Variants in ADAM12 observed in about 807,000 individuals in gnomAD.
ADAM12 encodes the protein disintegrin and metalloproteinase domain-containing protein 12.
In ADAM12, 70 loss-of-function variants were observed where a neutral mutation model predicts 106.4. The observed-to-expected ratio is 0.66, with a 90% CI of 0.54 to 0.80. The LOEUF is 0.80. Ranked by LOEUF, ADAM12 falls within the 30% of genes least tolerant of loss-of-function variation. The pLI is 0.00. For missense variants in ADAM12, 1,010 were observed against 1,171.9 expected, an observed-to-expected ratio of 0.86 and a Z score of 2.02; for synonymous variants, 420 against 433.5, an observed-to-expected ratio of 0.97 and a Z score of 0.39.
intron 3 of ADAM12, among the ~76,000 whole-genome samples, chr10:126,208,852 GTT>G (rs5788775): frequency 3.4e-5 from 5 of 145,782 alleles, no homozygotes; most frequent in African/African-American, 1.3e-4. Context: ...AAAAAAGAAA[GTT>G]TTTTTTTTTT....
intron 2 of ADAM12, among the ~76,000 whole-genome samples, chr10:126,327,568 G>T (rs1368009858): frequency 6.6e-6 from 1 of 151,914 alleles, no homozygotes; most frequent in African/African-American, 2.4e-5. Flanking sequence ...ACCAGCTTAG[G>T]TGACAAAGGA....
chr10:126,135,178 T>C (rs555033152), intron 5 of ADAM12, among the ~76,000 whole-genome samples: 1 of 152,372 alleles, frequency 6.6e-6, no homozygotes, highest in East Asian at 1.9e-4. Context: ...TGTTTCCTAA[T>C]GAGAGGAGGC....
chr10:126,225,478 C>T (rs1452137975), intron 3 of ADAM12, among the ~76,000 whole-genome samples: 1 of 152,202 alleles, frequency 6.6e-6, no homozygotes, highest in Non-Finnish European at 1.5e-5. Flanking sequence ...GCCAGAGCTT[C>T]CGTCATCCAT....
intron 11 of ADAM12, 145 bp downstream of exon 11, chr10:126,093,840 C>G (rs1871054): frequency 1.5e-6 from 2 of 1,296,696 alleles, no homozygotes; most frequent in Admixed American, 2.0e-5. Flanking sequence ...CACAGGCCAC[C>G]CTTGCTTCTT....
intron 3 of ADAM12, among the ~76,000 whole-genome samples, chr10:126,259,582 C>A (rs1020987409): frequency 6.6e-6 from 1 of 152,174 alleles, no homozygotes; most frequent in African/African-American, 2.4e-5. Context: ...AAATGCAATT[C>A]TAATATTTGA....
At chr10:126,254,475 C>T (rs1464012207) in intron 3 of ADAM12, among the ~76,000 whole-genome samples, 1 of 152,216 alleles carries the variant, frequency 6.6e-6, no homozygotes, top group East Asian at 1.9e-4. Flanking sequence ...ACAACACTTC[C>T]TTCTCAGGAT....
At chr10:126,099,873 A>G (rs1005486501) in intron 9 of ADAM12, among the ~76,000 whole-genome samples, 8 of 152,272 alleles carry the variant, frequency 5.3e-5, no homozygotes, top group Admixed American at 3.9e-4. Flanking sequence ...TTTCTGTGCT[A>G]TAAGCCACAT....
At chr10:126,233,765 G>T (rs1424824498) in intron 3 of ADAM12, among the ~76,000 whole-genome samples, 1 of 152,180 alleles carries the variant, frequency 6.6e-6, no homozygotes, top group Non-Finnish European at 1.5e-5. Context: ...ATTTTAAGGT[G>T]AGTCCCACCT....
In ADAM12 at chr10:126,214,955, G is replaced by A. The variant is rs186335963; in HGVS notation, c.261-59650C>T. ...CACCTTGGTGACTCTCATCCACCTG[G>A]GAGAGTCAGCCCCTCGCTGGGCCAT... On this transcript the variant is annotated intron_variant, in intron 3 of 22. Transcript: ENST00000448723. Among the ~76,000 whole-genome samples the A allele has an allele frequency of 3.0e-4, 45 of 152,236 alleles. 1 individual carries two copies. Among genetic ancestry groups the A allele is most frequent in the Admixed American group, 2.9e-3 (45 of 15,294 alleles).
Position 126,012,833 on chromosome 10 carries a change from A to C in ADAM12, c.*4446T>G, listed in dbSNP as rs1458525463. 6.6e-6 allele frequency: 1 copy of C among 152,252 alleles called. No individual in the cohort carries two copies. The highest frequency in any genetic ancestry group is 1.5e-5 in the Non-Finnish European group (1 of 68,044). The allele number at this position is 152,252 out of a possible 1,614,324, so 9.4% of individuals were successfully genotyped here. ...ATCTGCCCTACTAAGGTACCTGCTT[A>C]TAGGCCATGAAAATAAAACGCCATT... On this transcript the variant is annotated 3_prime_UTR_variant, in exon 23 of 23. Coordinates refer to ENST00000448723, the MANE Select transcript of ADAM12 (RefSeq NM_001288973.2).
intron 1 of ADAM12, among the ~76,000 whole-genome samples, chr10:126,341,413 G>T (rs1006333227): frequency 6.6e-6 from 1 of 152,112 alleles, no homozygotes; most frequent in Non-Finnish European, 1.5e-5. Flanking sequence ...ACAGGAATGG[G>T]GTCCAAGGCT....
At chr10:126,339,201 A>G (rs927801506) in intron 1 of ADAM12, among the ~76,000 whole-genome samples, 12 of 152,172 alleles carry the variant, frequency 7.9e-5, no homozygotes, top group African/African-American at 2.7e-4. Flanking sequence ...GCCCAAATCA[A>G]TATTTTCTTC....
chr10:126,179,117 C>T (rs889430208), intron 3 of ADAM12, among the ~76,000 whole-genome samples: 6 of 152,006 alleles, frequency 3.9e-5, no homozygotes, highest in Non-Finnish European at 5.9e-5. Flanking sequence ...TCCCTATCAA[C>T]GTGACTGTAG....
intron 3 of ADAM12, among the ~76,000 whole-genome samples, chr10:126,272,317 TTAA>T (rs1285828157): frequency 8.5e-5 from 13 of 152,224 alleles, no homozygotes. Context: ...TAAAGATTAA[TTAA>T]TAAAGATAAT....
At chr10:126,218,323 T>C (rs1958027213) in intron 3 of ADAM12, among the ~76,000 whole-genome samples, 1 of 152,150 alleles carries the variant, frequency 6.6e-6, no homozygotes, top group South Asian at 2.1e-4. Context: ...CTAACTATGT[T>C]GTTCACCTAA....
intron 3 of ADAM12, among the ~76,000 whole-genome samples, chr10:126,207,691 A>G (rs1957822027): frequency 6.6e-6 from 1 of 152,208 alleles, no homozygotes; most frequent in African/African-American, 2.4e-5. Context: ...AAACTTTCAA[A>G]GTTTATATTA....
chr10:126,047,935 A>G (rs1170868108), intron 16 of ADAM12, among the ~76,000 whole-genome samples: 1 of 152,250 alleles, frequency 6.6e-6, no homozygotes, highest in Non-Finnish European at 1.5e-5. Flanking sequence ...AATGTGGTAC[A>G]TATACACCAT....
At chr10:126,025,443 A>C (rs1378488590) in intron 21 of ADAM12, among the ~76,000 whole-genome samples, 1 of 143,830 alleles carries the variant, frequency 7.0e-6, no homozygotes, top group Non-Finnish European at 1.6e-5. Context: ...AAAATCTCGG[A>C]GCTTGAAGAC....
chr10:126,208,500 G>A (rs922822102), intron 3 of ADAM12, among the ~76,000 whole-genome samples: 2 of 152,154 alleles, frequency 1.3e-5, no homozygotes, highest in Non-Finnish European at 2.9e-5. Flanking sequence ...AATAAATGTG[G>A]GAGGCACAGG....
Sources: allele counts gnomAD v4.1 joint callset (sites outside exome capture counted in the v4.1 genomes callset), GRCh38; gene constraint gnomAD v4.1.1; transcripts MANE v1.5; gene names NCBI Gene and HGNC (gene_info 2026-07-23, HGNC 2026-07-21).